Variants in C10orf90 observed in about 807,000 individuals in gnomAD.
C10orf90 encodes (E2-independent) E3 ubiquitin-conjugating enzyme FATS.
A neutral mutation model predicts 62.5 loss-of-function variants in C10orf90; 56 were observed. The ratio of observed to expected loss-of-function variants is 0.90; its 90% CI spans 0.72 to 1.12. The LOEUF (loss-of-function observed/expected upper bound fraction) is 1.12. Ranked by LOEUF, C10orf90 falls within the 50% of genes most tolerant of loss-of-function variation. The pLI is 0.00. For missense variants in C10orf90, 970 were observed against 880.4 expected, an observed-to-expected ratio of 1.10 and a Z score of -1.29; for synonymous variants, 386 against 340.4, an observed-to-expected ratio of 1.13 and a Z score of -1.47.
At chr10:126,472,348 A>C (rs1860626058) in intron 4 of C10orf90, among the ~76,000 whole-genome samples, 2 of 152,196 alleles carry the variant, frequency 1.3e-5, no homozygotes, top group African/African-American at 4.8e-5. Flanking sequence ...CAAAATGCTC[A>C]CGGTATTTGT....
chr10:126,588,623 GAAAAC>G (rs780301729), intron 2 of C10orf90, among the ~76,000 whole-genome samples: 82 of 152,068 alleles, frequency 5.4e-4, no homozygotes, highest in African/African-American at 1.9e-3. Flanking sequence ...TAAAAGAAAA[GAAAAC>G]AAAACAAAAC....
chr10:126,446,037 C>T (rs11244987), intron 7 of C10orf90, among the ~76,000 whole-genome samples: 2,389 of 151,892 alleles, frequency 0.016, 64 homozygotes, highest in African/African-American at 0.053. Flanking sequence ...GGGTGAAAGA[C>T]TACAAATAGG....
At chr10:126,519,222 C>A (rs967305942) in intron 2 of C10orf90, among the ~76,000 whole-genome samples, 1 of 152,104 alleles carries the variant, frequency 6.6e-6, no homozygotes, top group African/African-American at 2.4e-5. Flanking sequence ...AAGGGACAGG[C>A]AGAAATGGCT....
At chr10:126,617,306 C>T (rs1845560428) in intron 2 of C10orf90, among the ~76,000 whole-genome samples, 1 of 152,116 alleles carries the variant, frequency 6.6e-6, no homozygotes, top group African/African-American at 2.4e-5. Context: ...CAGTTTTCTC[C>T]CCAGGAGGCC....
chr10:126,591,612 A>T lies in C10orf90; in HGVS notation c.313+54953T>A, dbSNP rs550476720. On this transcript the variant is annotated intron_variant, in intron 2 of 9. Coordinates refer to ENST00000488181, the MANE Select transcript of C10orf90 (RefSeq NM_001350921.2). The stretch of plus-strand genomic sequence containing the variant: ...ATCATACTGAATGGGCAAAAGCTGG[A>T]AGCATTCCCCTTGAAAACCAGCATA... Among the ~76,000 whole-genome samples, 175 of 152,292 alleles carry T rather than the reference A, an allele frequency of 1.1e-3. 1 individual carries two copies. Among genetic ancestry groups the T allele is most frequent in the Non-Finnish European group, 2.1e-3 (140 of 68,014 alleles).
chr10:126,425,938 A>G (rs774243651), intron 9 of C10orf90, 36 bp from the exon 10 acceptor site: 1 of 1,614,088 alleles, frequency 6.2e-7, no homozygotes, highest in South Asian at 1.1e-5. Flanking sequence ...TCAAGTTGAG[A>G]TTCGGCATCT....
intron 2 of C10orf90, among the ~76,000 whole-genome samples, chr10:126,566,140 TG>T (rs1844383177): frequency 6.6e-6 from 1 of 152,144 alleles, no homozygotes; most frequent in South Asian, 2.1e-4. Context: ...AGGATAACCT[TG>T]GATAAATTAT....
At chr10:126,548,399 G>A (rs533849503) in intron 2 of C10orf90, among the ~76,000 whole-genome samples, 4 of 152,108 alleles carry the variant, frequency 2.6e-5, no homozygotes, top group Non-Finnish European at 4.4e-5. Context: ...AAAGTCTCTC[G>A]CTCTGTCACC....
At chr10:126,467,959 C>A (rs1860379142) in intron 4 of C10orf90, among the ~76,000 whole-genome samples, 1 of 152,176 alleles carries the variant, frequency 6.6e-6, no homozygotes, top group African/African-American at 2.4e-5. Context: ...GAGACAGGAC[C>A]ACTCACCTCA....
chr10:126,611,154 CT>C (rs1402973879), intron 2 of C10orf90, among the ~76,000 whole-genome samples: 21 of 152,168 alleles, frequency 1.4e-4, no homozygotes, highest in Non-Finnish European at 1.0e-4. Context: ...CCCTATCCCC[CT>C]CAGCCACCTT....
At chr10:126,519,718 TAC>T (rs1863637427) in intron 2 of C10orf90, among the ~76,000 whole-genome samples, 1 of 152,226 alleles carries the variant, frequency 6.6e-6, no homozygotes, top group Admixed American at 6.5e-5. Flanking sequence ...CGCTATTGAC[TAC>T]ACAGTTTCTC....
chr10:126,426,446 G>T (rs571985246), intron 8 of C10orf90, among the ~76,000 whole-genome samples: 1 of 152,322 alleles, frequency 6.6e-6, no homozygotes, highest in African/African-American at 2.4e-5. Context: ...TAAACCTACT[G>T]CTTTAGCATT....
chr10:126,529,738 A>G (rs1458418517), intron 2 of C10orf90, among the ~76,000 whole-genome samples: 1 of 152,230 alleles, frequency 6.6e-6, no homozygotes. Context: ...ACATCAGACA[A>G]CAGGAGTTCC....
intron 7 of C10orf90, 146 bp downstream of exon 7, chr10:126,458,894 G>T: frequency 2.3e-6 from 2 of 856,292 alleles, no homozygotes; most frequent in Non-Finnish European, 3.5e-6. Context: ...GATTTATGAT[G>T]CTGAGGGTCA....
intron 2 of C10orf90, among the ~76,000 whole-genome samples, chr10:126,556,245 A>G (rs1021193096): frequency 2.6e-5 from 4 of 152,206 alleles, no homozygotes; most frequent in Non-Finnish European, 4.4e-5. Context: ...TGGGATATGC[A>G]CAATTGCAAA....
At chr10:126,670,177 G>T in intron 1 of C10orf90, 64 bp downstream of exon 1, 1 of 435,568 alleles carries the variant, frequency 2.3e-6, no homozygotes, top group Non-Finnish European at 4.7e-6. Context: ...TGTCTGATGA[G>T]CAACACGTCC....
At position 126,427,676 on chromosome 10, in the gene C10orf90, C is replaced by A. The variant is rs184502298; in HGVS notation, c.2253-1586G>T. 2.5e-4 allele frequency among the ~76,000 whole-genome samples: 38 copies of A among 152,336 alleles called. No homozygotes were observed. The East Asian group carries it at 6.8e-3, about 27-fold the overall frequency. ...GCCCCTCCTGCCGTTGGACATCAGA[C>A]TCCAGATTCTTCGGCCTCTGGACTC... On this transcript the variant is annotated intron_variant, in intron 8 of 9. Transcript: ENST00000488181.
chr10:126,449,243 A>G (rs1033616829), intron 7 of C10orf90, among the ~76,000 whole-genome samples: 4 of 152,238 alleles, frequency 2.6e-5, no homozygotes, highest in Non-Finnish European at 5.9e-5. Context: ...ATCAAAAATC[A>G]ATAAATGTGC....
chr10:126,647,549 TG>T (rs1371189472), intron 1 of C10orf90, among the ~76,000 whole-genome samples: 1 of 152,200 alleles, frequency 6.6e-6, no homozygotes, highest in Non-Finnish European at 1.5e-5. Flanking sequence ...AGGAGAAGTC[TG>T]GCTTCCCCCC....
Sources: allele counts gnomAD v4.1 joint callset (sites outside exome capture counted in the v4.1 genomes callset), GRCh38; gene constraint gnomAD v4.1.1; transcripts MANE v1.5; gene names NCBI Gene and HGNC (gene_info 2026-07-23, HGNC 2026-07-21).